BACE2: variants seen among roughly 807,000 people sequenced by gnomAD.
The protein encoded by BACE2 is beta-secretase 2, also known as 56 kDa aspartic-like protease.
Under a neutral mutation model 46.2 loss-of-function variants are expected in BACE2, and 17 were observed. The observed-to-expected ratio is 0.37, with a 90% confidence interval of 0.25 to 0.55. The LOEUF (loss-of-function observed/expected upper bound fraction) is 0.55. Among genes scored for constraint, BACE2 ranks in the 20% least tolerant of loss-of-function variants. The probability of loss-of-function intolerance (pLI) is 0.82; values close to 1 mark genes in which losing one functional copy is unlikely to be tolerated. For missense variants in BACE2, 595 were observed against 698.1 expected, an observed-to-expected ratio of 0.85 and a Z score of 1.66; for synonymous variants, 277 against 295.9, an observed-to-expected ratio of 0.94 and a Z score of 0.66.
intron 2 of BACE2, among the ~76,000 whole-genome samples, chr21:41,233,205 A>G (rs758136630): frequency 6.6e-6 from 1 of 152,248 alleles, no homozygotes; most frequent in Non-Finnish European, 1.5e-5. Flanking sequence ...ATTAATTATA[A>G]TAATAGCAGC....
At chr21:41,205,745 T>C (rs1419732557) in intron 1 of BACE2, among the ~76,000 whole-genome samples, 1 of 152,154 alleles carries the variant, frequency 6.6e-6, no homozygotes, top group Non-Finnish European at 1.5e-5. Flanking sequence ...ACTTCATCCC[T>C]CACCAGTGCA....
At chr21:41,240,870 T>C (rs1481784730) in intron 3 of BACE2, among the ~76,000 whole-genome samples, 1 of 152,218 alleles carries the variant, frequency 6.6e-6, no homozygotes, top group Non-Finnish European at 1.5e-5. Flanking sequence ...TCTCACTCCC[T>C]CTGGAATCAC....
intron 1 of BACE2, among the ~76,000 whole-genome samples, chr21:41,194,989 G>A (rs181982147): frequency 8.8e-4 from 134 of 152,308 alleles, no homozygotes; most frequent in African/African-American, 3.2e-3. Flanking sequence ...GACTCTGGTC[G>A]TCAGGAACGG....
intron 1 of BACE2, among the ~76,000 whole-genome samples, chr21:41,169,240 C>T (rs1389528098): frequency 6.6e-6 from 1 of 150,442 alleles, no homozygotes; most frequent in Non-Finnish European, 1.5e-5. Flanking sequence ...CTGCACGGAG[C>T]GATGCATCTA....
chr21:41,275,902 C>T lies in BACE2; in HGVS notation c.*278C>T. The T allele has an allele frequency of 2.3e-6, 1 of 432,190 alleles. No homozygotes were observed. The highest frequency in any genetic ancestry group is 4.2e-6 in the Non-Finnish European group (1 of 239,652). The allele number at this position is 432,190 out of a possible 1,614,324, so 26.8% of individuals were successfully genotyped here. Reference sequence around the variant, plus strand: ...GCAGGCTCTATGGGGTTCGTTATGCCAAAGTGTCTACATGTGCCACCAACA... The same window carrying T: ...GCAGGCTCTATGGGGTTCGTTATGCTAAAGTGTCTACATGTGCCACCAACA... On this transcript the variant is annotated 3_prime_UTR_variant, in exon 9 of 9. Coordinates refer to ENST00000330333, the MANE Select transcript of BACE2 (RefSeq NM_012105.5).
chr21:41,271,770 G>A (rs924118596), intron 8 of BACE2, among the ~76,000 whole-genome samples: 11 of 151,978 alleles, frequency 7.2e-5, no homozygotes, highest in East Asian at 1.9e-4. Flanking sequence ...TCTTGCCTTC[G>A]GTCCTTTGTG....
At chr21:41,206,068 G>A (rs1456517743) in intron 1 of BACE2, among the ~76,000 whole-genome samples, 1 of 152,132 alleles carries the variant, frequency 6.6e-6, no homozygotes, top group African/African-American at 2.4e-5. Flanking sequence ...CAAAATTCTG[G>A]TCTATACTTA....
At chr21:41,219,592 C>A (rs1414527140) in intron 1 of BACE2, among the ~76,000 whole-genome samples, 1 of 152,158 alleles carries the variant, frequency 6.6e-6, no homozygotes, top group East Asian at 1.9e-4. Flanking sequence ...AAAGAGAGAA[C>A]CCTGTCCTTC....
chr21:41,168,582 A>G lies in BACE2; in HGVS notation c.312+7A>G. ...CGGGACCCCCCCGCAGAAGGTAGGG[A>G]CCCCCGGCTGCTGCCGCGGGCTTTT... On this transcript the variant is annotated splice_region_variant and intron_variant, in intron 1 of 8. Transcript: ENST00000330333. 7.6e-7 allele frequency: 1 copy of G among 1,315,676 alleles called. No homozygotes were observed. Among genetic ancestry groups the G allele is most frequent in the Non-Finnish European group, 9.8e-7 (1 of 1,025,062 alleles). 81.5% of individuals were successfully genotyped at this position (1,315,676 alleles called of 1,614,324 possible).
chr21:41,216,657 G>A (rs1986478596), intron 1 of BACE2, among the ~76,000 whole-genome samples: 1 of 152,230 alleles, frequency 6.6e-6, no homozygotes, highest in South Asian at 2.1e-4. Flanking sequence ...CAGAGGGAGG[G>A]AAGCAGGGTG....
At position 41,237,625 on chromosome 21, in the gene BACE2, T is replaced by C. The variant is rs1601295826; in HGVS notation, c.514T>C (p.Ser172Pro). The C allele has an allele frequency of 6.2e-7, 1 of 1,614,204 alleles. No homozygotes were observed. Among genetic ancestry groups the C allele is most frequent in the Middle Eastern group, 1.6e-4 (1 of 6,062 alleles). ...LVTIPKGFNT[S>P]FLVNIATIFE... ...CACCATCCCCAAAGGCTTCAATACTTCTTTTCTTGTCAACATTGCCACTAT... is the reference window on the plus strand; with the variant it reads ...CACCATCCCCAAAGGCTTCAATACTCCTTTTCTTGTCAACATTGCCACTAT... The change falls in exon 3 of 9, where the codon TCT becomes CCT. Residue 172 changes from serine to proline, a missense_variant. By Grantham distance (74) the Ser-to-Pro change is moderately conservative. Transcript: ENST00000330333.
At chr21:41,200,521 C>T (rs964893250) in intron 1 of BACE2, among the ~76,000 whole-genome samples, 25 of 152,114 alleles carry the variant, frequency 1.6e-4, no homozygotes. Flanking sequence ...GGTCTCAGGA[C>T]CTCTTCCCTG....
chr21:41,215,847 A>G (rs1986448876), intron 1 of BACE2, among the ~76,000 whole-genome samples: 1 of 152,168 alleles, frequency 6.6e-6, no homozygotes, highest in African/African-American at 2.4e-5. Context: ...ATATATTTTC[A>G]ATGACCTTTT....
At chr21:41,229,200 T>A (rs569314121) in intron 2 of BACE2, among the ~76,000 whole-genome samples, 25 of 152,352 alleles carry the variant, frequency 1.6e-4, no homozygotes, top group Admixed American at 3.3e-4. Flanking sequence ...TGGGCTCTAG[T>A]CTGTACGACA....
intron 3 of BACE2, among the ~76,000 whole-genome samples, chr21:41,238,954 TAA>T (rs34474586): frequency 0.019 from 1,591 of 85,748 alleles, 29 homozygotes; most frequent in African/African-American, 0.056. Context: ...AAAGTATAAT[TAA>T]AAAAAAAAAA....
At chr21:41,275,270 T>G in intron 8 of BACE2, 101 bp from the exon 9 acceptor site, 3 of 1,532,662 alleles carry the variant, frequency 2.0e-6, no homozygotes, top group Non-Finnish European at 2.7e-6. Flanking sequence ...CTCAGTGGAC[T>G]TTAACTGTGG....
At position 41,210,857 on chromosome 21, in the gene BACE2, A is replaced by G. The variant is rs1026417902; in HGVS notation, c.313-15409A>G. On this transcript the variant is annotated intron_variant, in intron 1 of 8. Transcript: ENST00000330333. ...TGTTCAATATGCGTGCATCAGGACC[A>G]CCTTCATGAATATTCATAGTTCCTC... is the stretch of plus-strand genomic sequence containing the variant. 3.3e-5 allele frequency among the ~76,000 whole-genome samples: 5 copies of G among 152,204 alleles called. No homozygotes were observed. In the South Asian group the frequency reaches 1.0e-3, roughly 32 times the overall value.
intron 8 of BACE2, among the ~76,000 whole-genome samples, chr21:41,269,019 A>T (rs765529508): frequency 5.9e-5 from 9 of 151,650 alleles, no homozygotes; most frequent in Non-Finnish European, 1.3e-4. Context: ...CAATGGCGTG[A>T]TCTCAGTTTA....
intron 1 of BACE2, among the ~76,000 whole-genome samples, chr21:41,187,113 T>C (rs2123507222): frequency 6.6e-6 from 1 of 152,176 alleles, no homozygotes; most frequent in East Asian, 1.9e-4. Context: ...GTGTGTGTCA[T>C]GGAGGAGGTT....
Sources: gnomAD v4.1 joint callset for allele counts (sites outside exome capture counted in the v4.1 genomes callset) on GRCh38, gnomAD v4.1.1 for gene constraint, MANE v1.5 for transcripts, NCBI Gene and HGNC (gene_info 2026-07-23, HGNC 2026-07-21) for gene names.